DSCAM: variants seen among roughly 807,000 people sequenced by gnomAD.
DSCAM encodes the protein DS cell adhesion molecule, also known as cell adhesion molecule DSCAM.
DSCAM carries 47 observed loss-of-function variants against 217.7 expected under a neutral mutation model. That is an observed-to-expected ratio of 0.22 (90% confidence interval 0.17 to 0.28). The LOEUF (loss-of-function observed/expected upper bound fraction) is 0.28. DSCAM is among the 10% of genes least tolerant of loss of function. The probability of loss-of-function intolerance (pLI) is 1.00; values close to 1 mark genes in which losing one functional copy is unlikely to be tolerated. For missense variants in DSCAM, 2,080 were observed against 2,618.3 expected (o/e 0.79, Z 4.49); for synonymous variants, 1,056 against 1,015.3 (o/e 1.04, Z -0.76).
At chr21:40,180,478 A>G (rs1019090281) in intron 14 of DSCAM, among the ~76,000 whole-genome samples, 8 of 152,190 alleles carry the variant, frequency 5.3e-5, no homozygotes, top group African/African-American at 1.9e-4. Flanking sequence ...AAAAAAATTG[A>G]CAAGGGGAAG....
chr21:40,289,732 G>A (rs1393590263), intron 10 of DSCAM, among the ~76,000 whole-genome samples: 1 of 152,180 alleles, frequency 6.6e-6, no homozygotes, highest in East Asian at 1.9e-4. Context: ...CATAGTATAT[G>A]TAGGGTTTGG....
chr21:40,771,804 G>A (rs2091447225), intron 1 of DSCAM, among the ~76,000 whole-genome samples: 1 of 152,156 alleles, frequency 6.6e-6, no homozygotes, highest in Non-Finnish European at 1.5e-5. Flanking sequence ...ACTTGGAAAG[G>A]CATTCCAAAT....
chr21:40,389,224 G>A (rs1048007378), intron 3 of DSCAM, among the ~76,000 whole-genome samples: 2 of 152,008 alleles, frequency 1.3e-5, no homozygotes, highest in Admixed American at 6.6e-5. Flanking sequence ...ATTTGAGCAA[G>A]GAAATCAAAA....
intron 3 of DSCAM, among the ~76,000 whole-genome samples, chr21:40,605,521 G>A (rs1271962403): frequency 6.6e-6 from 1 of 152,118 alleles, no homozygotes; most frequent in African/African-American, 2.4e-5. Context: ...AGTCTCTATT[G>A]CAGCTCCTGA....
chr21:40,468,618 G>A (rs946469076), intron 3 of DSCAM, among the ~76,000 whole-genome samples: 9 of 152,042 alleles, frequency 5.9e-5, no homozygotes, highest in South Asian at 4.2e-4. Context: ...GAAATTCTGC[G>A]TCCTCGTGCC....
chr21:40,412,286 A>G (rs1820047269), intron 3 of DSCAM, among the ~76,000 whole-genome samples: 1 of 152,180 alleles, frequency 6.6e-6, no homozygotes, highest in Non-Finnish European at 1.5e-5. Context: ...GAAAATGTGG[A>G]AGTGACTTTG....
intron 21 of DSCAM, among the ~76,000 whole-genome samples, chr21:40,090,309 C>T (rs1273141150): frequency 1.3e-5 from 2 of 152,122 alleles, no homozygotes; most frequent in African/African-American, 4.8e-5. Flanking sequence ...GAGCCTCCCT[C>T]CCCCTCCCAG....
chr21:40,161,423 A>T (rs57767394), intron 16 of DSCAM, among the ~76,000 whole-genome samples: 51,710 of 110,694 alleles, frequency 0.47, 10,883 homozygotes, highest in African/African-American at 0.7. Flanking sequence ...TTTTTTTTTT[A>T]AAAGCACCAC....
At chr21:40,213,814 G>C (rs1272601305) in intron 11 of DSCAM, among the ~76,000 whole-genome samples, 1 of 152,108 alleles carries the variant, frequency 6.6e-6, no homozygotes, top group Non-Finnish European at 1.5e-5. Context: ...GGAATTTTAC[G>C]ATATTCTAGT....
At chr21:40,368,256 A>G (rs1056366699) in intron 4 of DSCAM, among the ~76,000 whole-genome samples, 11 of 152,198 alleles carry the variant, frequency 7.2e-5, no homozygotes, top group African/African-American at 2.4e-4. Flanking sequence ...GATTTTCTGA[A>G]TAAGCAGAAT....
At chr21:40,163,311 T>C (rs968280312) in intron 16 of DSCAM, among the ~76,000 whole-genome samples, 51 of 152,244 alleles carry the variant, frequency 3.3e-4, no homozygotes, top group Non-Finnish European at 6.8e-4. Flanking sequence ...AAATATGTTA[T>C]CAATTATCCA....
chr21:40,118,816 T>C (rs1875560078), intron 20 of DSCAM, among the ~76,000 whole-genome samples: 1 of 152,228 alleles, frequency 6.6e-6, no homozygotes, highest in African/African-American at 2.4e-5. Context: ...ACATCATTGC[T>C]GTGTCCTCTG....
chr21:40,347,434 A>C (rs1333771013), intron 6 of DSCAM, among the ~76,000 whole-genome samples: 1 of 152,222 alleles, frequency 6.6e-6, no homozygotes, highest in East Asian at 1.9e-4. Flanking sequence ...CTAATGCACA[A>C]GTGGGCAACA....
At chr21:40,087,402 A>G in intron 21 of DSCAM, 115 bp from the exon 22 acceptor site, 1 of 745,708 alleles carries the variant, frequency 1.3e-6, no homozygotes, top group Admixed American at 1.9e-5. Context: ...GCCAATTCAC[A>G]TTACAACTGT....
intron 1 of DSCAM, among the ~76,000 whole-genome samples, chr21:40,844,696 T>C (rs1569065092): frequency 6.6e-6 from 1 of 152,218 alleles, no homozygotes; most frequent in East Asian, 1.9e-4. Context: ...TTATTTTAGT[T>C]ATAAAATGCT....
chr21:40,497,602 C>T (rs2076129440), intron 3 of DSCAM, among the ~76,000 whole-genome samples: 1 of 152,026 alleles, frequency 6.6e-6, no homozygotes, highest in African/African-American at 2.4e-5. Context: ...CTGAAAAGCC[C>T]TTAGAGTAAA....
At chr21:40,597,852 C>T (rs185964430) in intron 3 of DSCAM, among the ~76,000 whole-genome samples, 72 of 152,168 alleles carry the variant, frequency 4.7e-4, no homozygotes, top group African/African-American at 1.7e-3. Context: ...AAAATTGAGG[C>T]GATAGTAGAG....
chr21:40,155,526 CCA>C (rs1157457156), intron 16 of DSCAM, among the ~76,000 whole-genome samples: 1 of 151,940 alleles, frequency 6.6e-6, no homozygotes, highest in East Asian at 2.0e-4. Flanking sequence ...CCGAGAAAGG[CCA>C]CAGAGATAAG....
chr21:40,668,851 G>A (rs533067708), intron 3 of DSCAM, among the ~76,000 whole-genome samples: 22 of 151,908 alleles, frequency 1.4e-4, no homozygotes, highest in Non-Finnish European at 1.5e-4. Context: ...CTTCCTTTCA[G>A]TAGTATAGTC....
Sources: allele counts gnomAD v4.1 joint callset (sites outside exome capture counted in the v4.1 genomes callset), GRCh38; gene constraint gnomAD v4.1.1; transcripts MANE v1.5; gene names NCBI Gene and HGNC (gene_info 2026-07-23, HGNC 2026-07-21).